The following CAMK2A variants were observed in gnomAD, a reference collection of about 807,000 sequenced individuals.
CAMK2A encodes calcium/calmodulin-dependent protein kinase type II subunit alpha.
CAMK2A carries 7 observed loss-of-function variants against 79.2 expected under a neutral mutation model. The ratio of observed to expected loss-of-function variants is 0.09; its 90% CI spans 0.05 to 0.17. CAMK2A has a LOEUF of 0.17. Ranked by LOEUF, CAMK2A falls within the 10% of genes least tolerant of loss-of-function variation. CAMK2A has a pLI of 1.00. For synonymous variants in CAMK2A, 242 were observed against 251.7 expected (o/e 0.96, Z 0.36); for missense variants, 214 against 646.4 (o/e 0.33, Z 7.25).
In CAMK2A at chr5:150,239,772, G is replaced by T. The variant is rs1232137103; in HGVS notation, c.985-36C>A. The T allele has an allele frequency of 1.9e-6, 3 of 1,598,056 alleles. No individual in the cohort carries two copies. In the African/African-American group the frequency reaches 4.0e-5, roughly 21 times the overall value. ...AAGGAGAAGAGATGGGACAGGAAAA[G>T]ACACAGCGTGAAAACGGCAGGGAGC... On this transcript the variant is annotated intron_variant, in intron 13 of 18. Coordinates refer to ENST00000671881, the MANE Select transcript of CAMK2A (RefSeq NM_015981.4).
At chr5:150,243,286 C>G (rs893083547) in intron 13 of CAMK2A, among the ~76,000 whole-genome samples, 4 of 152,206 alleles carry the variant, frequency 2.6e-5, no homozygotes, top group South Asian at 4.1e-4. Context: ...CCACCGGTGT[C>G]TCTGGTCTCT....
chr5:150,239,808 CAG>C (rs1222896273), intron 13 of CAMK2A, 72 bp from the exon 14 acceptor site: 6 of 1,362,492 alleles, frequency 4.4e-6, no homozygotes, highest in East Asian at 2.3e-5. Flanking sequence ...AGAGGAACGA[CAG>C]GGGAGGTTTG....
chr5:150,238,296 C>CA, intron 15 of CAMK2A: 1 of 184,464 alleles, frequency 5.4e-6, no homozygotes, highest in Non-Finnish European at 1.1e-5. Context: ...ACTAAAAATA[C>CA]AAAAAATTAG....
intron 1 of CAMK2A, 55 bp from the exon 2 acceptor site, chr5:150,273,214 TAGG>T (rs1422987746): frequency 2.9e-5 from 40 of 1,365,180 alleles, no homozygotes; most frequent in Non-Finnish European, 4.1e-5. Flanking sequence ...GCTGTGTCCC[TAGG>T]AGATGTTGGA....
At chr5:150,269,986 G>A (rs1028254130) in intron 2 of CAMK2A, among the ~76,000 whole-genome samples, 19 of 152,124 alleles carry the variant, frequency 1.2e-4, no homozygotes, top group Non-Finnish European at 2.2e-4. Context: ...CCTCATGCTC[G>A]AGCTGGAGAG....
chr5:150,280,217 A>G (rs956869996), intron 1 of CAMK2A, among the ~76,000 whole-genome samples: 1 of 152,160 alleles, frequency 6.6e-6, no homozygotes, highest in Admixed American at 6.5e-5. Context: ...TACATCTGTG[A>G]GTCTCAGCAA....
rs576803480 is a variant in CAMK2A, at chr5:150,288,865, G to A, written c.62+699C>T. On this transcript the variant is annotated intron_variant, in intron 1 of 18. Transcript: ENST00000671881. The stretch of plus-strand genomic sequence containing the variant: ...GGGCAGAAAATGAGCTCTGGGCTGG[G>A]CAACTTTGCTTGTCCAGAGCCACTG... Among the ~76,000 whole-genome samples the A allele has an allele frequency of 3.9e-5, 6 of 152,238 alleles. No individual in the cohort carries two copies. In the South Asian group the frequency reaches 1.0e-3, roughly 26 times the overall value.
intron 9 of CAMK2A, among the ~76,000 whole-genome samples, chr5:150,251,225 T>C (rs1755818930): frequency 6.6e-6 from 1 of 152,232 alleles, no homozygotes; most frequent in Admixed American, 6.5e-5. Context: ...CAGAGCTTAA[T>C]AGCTATCTGC....
chr5:150,246,763 C>T (rs1485081191), intron 12 of CAMK2A, among the ~76,000 whole-genome samples: 2 of 152,200 alleles, frequency 1.3e-5, no homozygotes, highest in African/African-American at 2.4e-5. Flanking sequence ...CTAGTATCTG[C>T]CCACCTCTGG....
intron 3 of CAMK2A, among the ~76,000 whole-genome samples, chr5:150,260,943 A>T (rs1756281482): frequency 6.6e-6 from 1 of 152,132 alleles, no homozygotes; most frequent in Admixed American, 6.5e-5. Context: ...TGAGTGTAAG[A>T]AGCTCTGAGA....
At chr5:150,234,445 G>A (rs1754978517) in intron 15 of CAMK2A, among the ~76,000 whole-genome samples, 1 of 152,116 alleles carries the variant, frequency 6.6e-6, no homozygotes, top group Non-Finnish European at 1.5e-5. Flanking sequence ...TATGTATAAT[G>A]AAGATACTAA....
chr5:150,222,856 C>A, intron 18 of CAMK2A, 133 bp downstream of exon 18: 1 of 1,384,844 alleles, frequency 7.2e-7, no homozygotes, highest in South Asian at 1.2e-5. Context: ...GCCTGGCCCC[C>A]TTCTTGGGGT....
intron 2 of CAMK2A, among the ~76,000 whole-genome samples, chr5:150,268,120 C>T (rs549075704): frequency 1.5e-4 from 23 of 152,238 alleles, no homozygotes; most frequent in Admixed American, 1.1e-3. Context: ...CCTTGTGATC[C>T]GCCCGCCTTG....
At chr5:150,247,042 G>A (rs1364086809) in intron 12 of CAMK2A, among the ~76,000 whole-genome samples, 1 of 152,262 alleles carries the variant, frequency 6.6e-6, no homozygotes, top group Non-Finnish European at 1.5e-5. Flanking sequence ...TGTGCCAAGA[G>A]GAGCTTCTTG....
rs557008775 is a variant in CAMK2A, at chr5:150,282,205, C to T, written c.62+7359G>A. ...GGGACGCAGTGTGCTCGAGCTGTCCCACACTGCCCCCCGCCCCCAAACACC... is the reference window on the plus strand; with the variant it reads ...GGGACGCAGTGTGCTCGAGCTGTCCTACACTGCCCCCCGCCCCCAAACACC... On this transcript the variant is annotated intron_variant, in intron 1 of 18. Coordinates refer to ENST00000671881, the MANE Select transcript of CAMK2A (RefSeq NM_015981.4). Among the ~76,000 whole-genome samples, 568 of 152,272 alleles carry T rather than the reference C, an allele frequency of 3.7e-3. 11 individuals are homozygous for T. Among genetic ancestry groups the T allele is most frequent in the Non-Finnish European group, 9.3e-4 (63 of 68,014 alleles).
At chr5:150,248,107 C>T (rs1268165036) in intron 11 of CAMK2A, among the ~76,000 whole-genome samples, 1 of 152,090 alleles carries the variant, frequency 6.6e-6, no homozygotes, top group African/African-American at 2.4e-5. Flanking sequence ...AGCTGAAGAG[C>T]TTGAGGGACA....
chr5:150,238,537 A>AGGGC (rs1472239080), intron 15 of CAMK2A, 163 bp downstream of exon 15: 1 of 728,114 alleles, frequency 1.4e-6, no homozygotes, highest in South Asian at 1.5e-5. Context: ...CCTCCATGGG[A>AGGGC]ATGATGCCTC....
At chr5:150,281,969 G>A (rs985293194) in intron 1 of CAMK2A, among the ~76,000 whole-genome samples, 1 of 152,082 alleles carries the variant, frequency 6.6e-6, no homozygotes, top group East Asian at 1.9e-4. Context: ...TTCTCAAATG[G>A]CAAATAGATC....
chr5:150,245,504 G>A (rs1019319657), intron 12 of CAMK2A, among the ~76,000 whole-genome samples: 4 of 152,164 alleles, frequency 2.6e-5, no homozygotes, highest in Admixed American at 6.5e-5. Context: ...GTTTCAGCCC[G>A]GGGATTCCCT....
Sources: gnomAD v4.1 joint callset for allele counts (sites outside exome capture counted in the v4.1 genomes callset) on GRCh38, gnomAD v4.1.1 for gene constraint, MANE v1.5 for transcripts, NCBI Gene and HGNC (gene_info 2026-07-23, HGNC 2026-07-21) for gene names.